Variants in CCDC171 observed in about 807,000 individuals in gnomAD.
The protein encoded by CCDC171 is coiled-coil domain-containing protein 171.
In CCDC171, 177 loss-of-function variants were observed where a neutral mutation model predicts 168.2. The ratio of observed to expected loss-of-function variants is 1.05; its 90% CI spans 0.93 to 1.19. The LOEUF (loss-of-function observed/expected upper bound fraction) is 1.19, where lower values mean the gene tolerates loss of function less well. Ranked by LOEUF, CCDC171 falls within the 50% of genes most tolerant of loss-of-function variation. The probability of loss-of-function intolerance (pLI) is 0.00; values close to 1 mark genes in which losing one functional copy is unlikely to be tolerated. For synonymous variants in CCDC171, 687 were observed against 540.8 expected (o/e 1.27, Z -3.75); for missense variants, 1,991 against 1,539.0 (o/e 1.29, Z -4.91).
At chr9:15,726,782 A>C (rs1318219881) in intron 14 of CCDC171, among the ~76,000 whole-genome samples, 6 of 152,026 alleles carry the variant, frequency 3.9e-5, no homozygotes, top group Admixed American at 1.3e-4. Context: ...TTTTCTTTTT[A>C]AGTTTGTCTC....
chr9:15,695,269 G>T lies in CCDC171; in HGVS notation c.1250G>T (p.Cys417Phe). 3 of 1,614,062 alleles carry T rather than the reference G, an allele frequency of 1.9e-6. No homozygotes were observed. The highest frequency in any genetic ancestry group is 2.5e-6 in the Non-Finnish European group (3 of 1,179,954). The part of the protein sequence containing the change: ...KKHQAFLVET[C>F]ENNVKELESI... Reference sequence around the variant, plus strand: ...CACCAGGCCTTCCTAGTAGAGACATGTGAAAATAACGTGAAAGAATTGGAA... The same window carrying T: ...CACCAGGCCTTCCTAGTAGAGACATTTGAAAATAACGTGAAAGAATTGGAA... The change falls in exon 11 of 26, where the codon TGT becomes TTT. Residue 417 changes from cysteine (C) to phenylalanine (F), a missense_variant. By Grantham distance (205) the Cys-to-Phe change is radical (BLOSUM62 -2). Transcript: ENST00000380701.
At chr9:15,662,407 C>T (rs537645179) in intron 8 of CCDC171, among the ~76,000 whole-genome samples, 16 of 152,028 alleles carry the variant, frequency 1.1e-4, no homozygotes, top group Non-Finnish European at 1.9e-4. Flanking sequence ...TCTTAGGCTT[C>T]ATTTCCTGGT....
intron 21 of CCDC171, among the ~76,000 whole-genome samples, chr9:15,785,136 G>C (rs2057874599): frequency 6.6e-6 from 1 of 152,046 alleles, no homozygotes; most frequent in African/African-American, 2.4e-5. Flanking sequence ...GGGAGGTTTG[G>C]TTAGAAAGAG....
chr9:15,960,025 A>C lies in CCDC171; in HGVS notation c.3754-11584A>C, dbSNP rs566340430. ...CCCTGTTGGAGGGATTGCAGACACC[A>C]AGCAGCTCTTGATGGGGAATCCACA... On this transcript the variant is annotated intron_variant, in intron 25 of 25. Transcript: ENST00000380701. 1.1e-3 allele frequency among the ~76,000 whole-genome samples: 169 copies of C among 152,234 alleles called. 1 individual carries two copies. The highest frequency in any genetic ancestry group is 4.0e-3 in the African/African-American group (166 of 41,544).
intron 24 of CCDC171, among the ~76,000 whole-genome samples, chr9:15,895,464 A>T (rs1344243201): frequency 6.6e-6 from 1 of 152,040 alleles, no homozygotes; most frequent in Non-Finnish European, 1.5e-5. Context: ...GCAGAGGTGG[A>T]CTGCCTGAAT....
chr9:15,956,172 A>C (rs181359575), intron 25 of CCDC171, among the ~76,000 whole-genome samples: 21 of 152,156 alleles, frequency 1.4e-4, no homozygotes, highest in Admixed American at 1.0e-3. Context: ...TCACGAAAGC[A>C]CTGCTACTTG....
chr9:15,833,359 A>C (rs1002406041), intron 21 of CCDC171, among the ~76,000 whole-genome samples: 1 of 152,148 alleles, frequency 6.6e-6, no homozygotes, highest in African/African-American at 2.4e-5. Flanking sequence ...TATGTGGTAC[A>C]TGACTTTATA....
chr9:15,908,145 C>G (rs1823005427), intron 24 of CCDC171, among the ~76,000 whole-genome samples: 1 of 151,670 alleles, frequency 6.6e-6, no homozygotes, highest in African/African-American at 2.4e-5. Flanking sequence ...CCCAGCCATC[C>G]CATTACTGGG....
rs1341392056 is a variant in CCDC171, at chr9:15,771,062, G to A, written c.2672-6538G>A. ...ATTAATTGTATTTAGTTACATACTA[G>A]TTGCACTGTATATATCTACTGTAAT... On this transcript the variant is annotated intron_variant, in intron 18 of 25. Coordinates refer to ENST00000380701, the MANE Select transcript of CCDC171 (RefSeq NM_173550.4). 2.6e-5 allele frequency among the ~76,000 whole-genome samples: 4 copies of A among 152,062 alleles called. No homozygotes were observed. In the East Asian group the frequency reaches 7.7e-4, roughly 29 times the overall value.
At chr9:15,998,567 A>G (rs867086735) in intron 3 of CCDC171, among the ~76,000 whole-genome samples, 2 of 152,192 alleles carry the variant, frequency 1.3e-5, no homozygotes, top group African/African-American at 4.8e-5. Context: ...CAGAGGATCA[A>G]TATAGTCGAT....
chr9:15,623,475 G>GCGCGCGCGCGCACACA, intron 7 of CCDC171, 62 bp downstream of exon 7: 25 of 315,462 alleles, frequency 7.9e-5, no homozygotes, highest in Admixed American at 6.1e-4. Context: ...GCGCGCGCGC[G>GCGCGCGCGCGCACACA]CACACACACA....
At chr9:15,931,040 T>C (rs1826444649) in intron 25 of CCDC171, among the ~76,000 whole-genome samples, 1 of 151,738 alleles carries the variant, frequency 6.6e-6, no homozygotes, top group Non-Finnish European at 1.5e-5. Flanking sequence ...ATCCATGCAA[T>C]AAACATTGGA....
intron 3 of CCDC171, among the ~76,000 whole-genome samples, chr9:15,984,996 A>G (rs1051913936): frequency 2.6e-5 from 4 of 152,186 alleles, no homozygotes; most frequent in African/African-American, 4.8e-5. Context: ...GTTGGTACAT[A>G]TATGAGAGAA....
At chr9:16,090,898 G>C in the CCDC171 span, among the ~76,000 whole-genome samples, 1 of 152,234 alleles carries the variant, frequency 6.6e-6, no homozygotes, top group Non-Finnish European at 1.5e-5. Context: ...GACAATAGGA[G>C]AAGTAATTCT....
Position 15,775,527 on chromosome 9 carries a change from C to T in CCDC171, c.2672-2073C>T, listed in dbSNP as rs183005239. ...TAGAGACAAGGTTTCACTGTTTTAG[C>T]CAGGATGGTCTCGATCTCCTGACCT... On this transcript the variant is annotated intron_variant, in intron 18 of 25. Coordinates refer to ENST00000380701, the MANE Select transcript of CCDC171 (RefSeq NM_173550.4). Among the ~76,000 whole-genome samples, 108 of 152,260 alleles carry T rather than the reference C, an allele frequency of 7.1e-4. No individual in the cohort carries two copies. The Middle Eastern group carries it at 0.01, about 14-fold the overall frequency.
chr9:16,036,373 G>A (rs1228578430), intron 8 of CCDC171, among the ~76,000 whole-genome samples: 3 of 152,232 alleles, frequency 2.0e-5, no homozygotes, highest in Non-Finnish European at 4.4e-5. Context: ...GGCCGGGCAC[G>A]GTGGCTCACG....
At chr9:15,678,516 C>G (rs1048654967) in intron 9 of CCDC171, among the ~76,000 whole-genome samples, 1 of 152,168 alleles carries the variant, frequency 6.6e-6, no homozygotes, top group Non-Finnish European at 1.5e-5. Context: ...GTAACCAAAT[C>G]TATTTTGCTT....
intron 2 of CCDC171, among the ~76,000 whole-genome samples, chr9:15,568,088 C>G (rs2039893342): frequency 6.6e-6 from 1 of 151,956 alleles, no homozygotes; most frequent in Non-Finnish European, 1.5e-5. Context: ...ATCTTGTATT[C>G]TGTGACCTTG....
chr9:15,756,339 A>T (rs368278800), intron 18 of CCDC171, among the ~76,000 whole-genome samples: 1 of 152,214 alleles, frequency 6.6e-6, no homozygotes, highest in Admixed American at 6.5e-5. Context: ...ATATTTTTCT[A>T]TCAGCTCACA....
Sources: gnomAD v4.1 joint callset for allele counts (sites outside exome capture counted in the v4.1 genomes callset) on GRCh38, gnomAD v4.1.1 for gene constraint, MANE v1.5 for transcripts, NCBI Gene and HGNC (gene_info 2026-07-23, HGNC 2026-07-21) for gene names.